Variants in EPC2 observed in about 807,000 individuals in gnomAD.
EPC2 encodes the protein enhancer of polycomb homolog 2.
In EPC2, 14 loss-of-function variants were observed where a neutral mutation model predicts 92.1. The ratio of observed to expected loss-of-function variants is 0.15; its 90% CI spans 0.10 to 0.24. The LOEUF is 0.24. Ranked by LOEUF, EPC2 falls within the 10% of genes least tolerant of loss-of-function variation. The pLI, the probability that EPC2 is intolerant of heterozygous loss-of-function variation, is 1.00. For missense variants in EPC2, 755 were observed against 971.5 expected, an observed-to-expected ratio of 0.78 and a Z score of 2.96; for synonymous variants, 340 against 334.7, an observed-to-expected ratio of 1.02 and a Z score of -0.17.
At chr2:148,777,572 G>A (rs1378257913) in intron 10 of EPC2, among the ~76,000 whole-genome samples, 1 of 152,098 alleles carries the variant, frequency 6.6e-6, no homozygotes, top group African/African-American at 2.4e-5. Context: ...AAGAATACCT[G>A]TGGGCACAAG....
chr2:148,711,900 T>C (rs1473631733), intron 2 of EPC2, among the ~76,000 whole-genome samples: 3 of 152,196 alleles, frequency 2.0e-5, no homozygotes, highest in African/African-American at 4.8e-5. Flanking sequence ...ATAGGTACTC[T>C]GGCTTTGTTT....
chr2:148,665,587 TATA>T (rs1195234296), intron 1 of EPC2, among the ~76,000 whole-genome samples: 4 of 152,216 alleles, frequency 2.6e-5, no homozygotes, highest in African/African-American at 9.6e-5. Flanking sequence ...TTATACAACT[TATA>T]ATTAAGTTTT....
chr2:148,662,144 G>A (rs917609106), intron 1 of EPC2, among the ~76,000 whole-genome samples: 2 of 152,232 alleles, frequency 1.3e-5, no homozygotes, highest in African/African-American at 2.4e-5. Context: ...TTAGAATGAC[G>A]ATCATTAAAA....
intron 1 of EPC2, among the ~76,000 whole-genome samples, chr2:148,672,570 A>G (rs1681176542): frequency 6.6e-6 from 1 of 152,194 alleles, no homozygotes; most frequent in Non-Finnish European, 1.5e-5. Flanking sequence ...TAAAAACTTA[A>G]AAGCAATTTA....
At chr2:148,757,578 C>T (rs973143109) in intron 4 of EPC2, among the ~76,000 whole-genome samples, 2 of 152,088 alleles carry the variant, frequency 1.3e-5, no homozygotes, top group Non-Finnish European at 2.9e-5. Context: ...AGCCTCAGGC[C>T]TGTAATACCA....
intron 2 of EPC2, among the ~76,000 whole-genome samples, chr2:148,735,384 TATCA>T (rs1201484083): frequency 6.6e-6 from 1 of 151,974 alleles, no homozygotes; most frequent in Non-Finnish European, 1.5e-5. Context: ...ATTTGCCTCT[TATCA>T]ATCACAAAAG....
rs540349542 is a variant in EPC2 at position 148,686,106 on chromosome 2, T to C, written c.154-4108T>C. Among the ~76,000 whole-genome samples, 15 of 152,370 alleles carry C rather than the reference T, an allele frequency of 9.8e-5. No homozygotes were observed. In the South Asian group the frequency reaches 2.9e-3, roughly 29 times the overall value. On this transcript the variant is annotated intron_variant, in intron 1 of 13. Coordinates refer to ENST00000258484, the MANE Select transcript of EPC2 (RefSeq NM_015630.4). ...CATGTGATGCTGTTTGATAACATTT[T>C]ACTCACAGTAGAACTTTTTTCAAAA... is the stretch of plus-strand genomic sequence containing the variant.
rs73018653 is a variant in EPC2, at chr2:148,659,252, C to G, written c.153+14082C>G. Among the ~76,000 whole-genome samples the G allele has an allele frequency of 1.0e-2, 1,516 of 152,120 alleles. 25 individuals carry two copies. Among genetic ancestry groups the G allele is most frequent in the African/African-American group, 0.034 (1,422 of 41,496 alleles). Reference sequence around the variant, plus strand: ...CTGGGTTTGTTTTGTTTTGTTACCGCAGTTTCATATGGATGTTTACCACTT... The same window carrying G: ...CTGGGTTTGTTTTGTTTTGTTACCGGAGTTTCATATGGATGTTTACCACTT... On this transcript the variant is annotated intron_variant, in intron 1 of 13. Transcript: ENST00000258484.
At chr2:148,719,925 A>C (rs955250540) in intron 2 of EPC2, among the ~76,000 whole-genome samples, 2 of 152,172 alleles carry the variant, frequency 1.3e-5, no homozygotes, top group African/African-American at 4.8e-5. Context: ...CCCATAGAAC[A>C]TGGGTGGTGA....
At chr2:148,710,983 T>A (rs950089561) in intron 2 of EPC2, among the ~76,000 whole-genome samples, 1 of 152,158 alleles carries the variant, frequency 6.6e-6, no homozygotes, top group Non-Finnish European at 1.5e-5. Context: ...TCATTCAGTC[T>A]CTCTTTTTGT....
At chr2:148,707,270 A>T (rs949911374) in intron 2 of EPC2, among the ~76,000 whole-genome samples, 2 of 152,218 alleles carry the variant, frequency 1.3e-5, no homozygotes, top group Non-Finnish European at 2.9e-5. Flanking sequence ...CATAATGGTA[A>T]AGGGATCAAT....
intron 8 of EPC2, among the ~76,000 whole-genome samples, chr2:148,770,402 C>A (rs768639832): frequency 3.9e-5 from 6 of 152,052 alleles, no homozygotes; most frequent in Non-Finnish European, 7.4e-5. Context: ...GTTTGAAGTG[C>A]AATTTTTAGT....
chr2:148,711,994 A>G (rs1381524118), intron 2 of EPC2, among the ~76,000 whole-genome samples: 1 of 152,042 alleles, frequency 6.6e-6, no homozygotes, highest in African/African-American at 2.4e-5. Flanking sequence ...TTTAGATAGC[A>G]ATTTGGGTCT....
intron 2 of EPC2, among the ~76,000 whole-genome samples, chr2:148,711,842 T>C (rs13035649): frequency 0.19 from 29,092 of 152,160 alleles, 3,690 homozygotes; most frequent in East Asian, 0.48. Context: ...TGCCTCTTCA[T>C]CCCTAATAAT....
chr2:148,701,782 T>C (rs909789137), intron 2 of EPC2, among the ~76,000 whole-genome samples: 2 of 152,194 alleles, frequency 1.3e-5, no homozygotes, highest in African/African-American at 4.8e-5. Context: ...TTCTGTTTTC[T>C]GGGAGTGATG....
chr2:148,764,830 A>G (rs951416473), intron 6 of EPC2, 125 bp from the exon 7 acceptor site: 24 of 675,704 alleles, frequency 3.6e-5, no homozygotes, highest in Non-Finnish European at 5.2e-5. Flanking sequence ...ATTTTTGCGT[A>G]TTAAAAACAA....
At chr2:148,744,006 TATA>T (rs1216714507) in intron 3 of EPC2, among the ~76,000 whole-genome samples, 2 of 152,122 alleles carry the variant, frequency 1.3e-5, no homozygotes, top group Non-Finnish European at 2.9e-5. Flanking sequence ...GTCACAATGT[TATA>T]ATATTTTATT....
intron 2 of EPC2, among the ~76,000 whole-genome samples, chr2:148,714,210 G>C (rs1682213358): frequency 6.6e-6 from 1 of 151,970 alleles, no homozygotes; most frequent in South Asian, 2.1e-4. Flanking sequence ...ATGGCTTCCA[G>C]CTCCATTCAT....
At chr2:148,769,045 T>G (rs1683467707) in intron 7 of EPC2, 106 bp from the exon 8 acceptor site, 2 of 763,100 alleles carry the variant, frequency 2.6e-6, no homozygotes, top group East Asian at 2.8e-5. Context: ...TGATATGTAA[T>G]ATAGAAGTGA....
Sources: allele counts gnomAD v4.1 joint callset (sites outside exome capture counted in the v4.1 genomes callset), GRCh38; gene constraint gnomAD v4.1.1; transcripts MANE v1.5; gene names NCBI Gene and HGNC (gene_info 2026-07-23, HGNC 2026-07-21).